PCDHA10: variants seen among roughly 807,000 people sequenced by gnomAD.
PCDHA10 encodes protocadherin alpha-10.
PCDHA10 carries 45 observed loss-of-function variants against 61.2 expected under a neutral mutation model. The observed-to-expected ratio is 0.74, with a 90% confidence interval of 0.58 to 0.94. PCDHA10 has a LOEUF of 0.94. Among genes scored for constraint, PCDHA10 ranks in the 40% least tolerant of loss-of-function variants. The probability of loss-of-function intolerance (pLI) is 0.00; values close to 1 mark genes in which losing one functional copy is unlikely to be tolerated. For missense variants in PCDHA10, 1,278 were observed against 1,236.2 expected, an observed-to-expected ratio of 1.03 and a Z score of -0.51; for synonymous variants, 602 against 548.8, an observed-to-expected ratio of 1.10 and a Z score of -1.35.
chr5:140,943,558 A>T (rs1328715238), intron 1 of PCDHA10, among the ~76,000 whole-genome samples: 1 of 152,194 alleles, frequency 6.6e-6, no homozygotes, highest in Non-Finnish European at 1.5e-5. Flanking sequence ...GTAGACAATA[A>T]TCATTTTAAT....
chr5:140,862,365 G>C, intron 1 of PCDHA10: 1 of 337,898 alleles, frequency 3.0e-6, no homozygotes, highest in South Asian at 2.4e-5. Flanking sequence ...CAGACGACCC[G>C]CACCCTGACT....
intron 1 of PCDHA10, among the ~76,000 whole-genome samples, chr5:140,919,297 G>C (rs1351756549): frequency 6.6e-6 from 1 of 152,120 alleles, no homozygotes; most frequent in African/African-American, 2.4e-5. Context: ...GTTGCTGTTT[G>C]TACAATATAT....
At position 140,894,520 on chromosome 5, in the gene PCDHA10, C is replaced by T. The variant is rs377646516; in HGVS notation, c.2388+36084C>T. On this transcript the variant is annotated intron_variant, in intron 1 of 3. Coordinates refer to ENST00000307360, the MANE Select transcript of PCDHA10 (RefSeq NM_018901.4). ...AGGCATTATCCATAGTGTTTATATG[C>T]TGTTATGTGCCTTCTGGTTTAGTGT... is the stretch of plus-strand genomic sequence containing the variant. Among the ~76,000 whole-genome samples, 12 of 151,842 alleles carry T rather than the reference C, an allele frequency of 7.9e-5. No homozygotes were observed. In the East Asian group the frequency reaches 1.9e-3, roughly 24 times the overall value.
At chr5:140,864,869 A>G (rs2048638117) in intron 1 of PCDHA10, 1 of 152,160 alleles carries the variant, frequency 6.6e-6, no homozygotes, top group South Asian at 2.1e-4. Context: ...GGGTGATACC[A>G]TTGTCTGTGT....
At position 140,856,956 on chromosome 5, in the gene PCDHA10, T is replaced by C. The variant is rs781976306; in HGVS notation, c.908T>C (p.Val303Ala). 6.3e-7 allele frequency: 1 copy of C among 1,593,360 alleles called. No individual in the cohort carries two copies. The highest frequency in any genetic ancestry group is 1.1e-5 in the South Asian group (1 of 90,480). ...WINERTGEIK[V>A]NDAIDFEDSN... is the part of the protein sequence containing the mutation. ...AACGAAAGGACGGGAGAAATAAAAG[T>C]AAATGATGCTATTGACTTTGAGGAC... The change falls in exon 1 of 4, where the codon GTA becomes GCA. Residue 303 changes from valine (V) to alanine (A), a missense_variant. Transcript: ENST00000307360.
intron 1 of PCDHA10, among the ~76,000 whole-genome samples, chr5:140,915,155 G>T (rs941034401): frequency 1.3e-5 from 2 of 151,934 alleles, no homozygotes; most frequent in Non-Finnish European, 2.9e-5. Flanking sequence ...CACCATGTTG[G>T]CCAGGATAGT....
intron 3 of PCDHA10, among the ~76,000 whole-genome samples, chr5:140,991,894 C>T (rs1426754578): frequency 6.6e-6 from 1 of 152,164 alleles, no homozygotes; most frequent in Non-Finnish European, 1.5e-5. Context: ...AACAAATTAA[C>T]ACAAAATCCC....
In PCDHA10 at chr5:140,856,495, T is replaced by C; in HGVS notation, c.447T>C (p.Ser149=). The change falls in exon 1 of 4, where the codon TCT becomes TCC. Residue 149 remains serine (S), a synonymous_variant. Transcript: ENST00000307360. ...TACCTGAATCCAGACTGCTTGACTC[T>C]CGATTTCCACTAGAAGGCGCATCTG... The part of the protein sequence containing the change: ...LSIPESRLLD[S]RFPLEGASDA... 1 of 1,598,444 alleles carries C rather than the reference T, an allele frequency of 6.3e-7. No homozygotes were observed. The highest frequency in any genetic ancestry group is 1.1e-5 in the South Asian group (1 of 90,520).
rs2095730579 is a variant in PCDHA10 at position 140,963,035 on chromosome 5, T to C, written c.2389-15914T>C. Among the ~76,000 whole-genome samples, 3 of 152,330 alleles carry C rather than the reference T, an allele frequency of 2.0e-5. No individual in the cohort carries two copies. The South Asian group carries it at 6.2e-4, about 32-fold the overall frequency. On this transcript the variant is annotated intron_variant, in intron 1 of 3. Transcript: ENST00000307360. ...AAGAAAATGAAGCAATTAACATTTA[T>C]TGAGAGTCTATAAGGGTTTCTACAT...
At chr5:140,909,312 A>AT (rs1365428416) in intron 1 of PCDHA10, among the ~76,000 whole-genome samples, 1 of 152,244 alleles carries the variant, frequency 6.6e-6, no homozygotes, top group Non-Finnish European at 1.5e-5. Context: ...AGAAAAAGGC[A>AT]TTTGCCAAAT....
At chr5:141,006,169 A>G (rs553035949) in intron 3 of PCDHA10, among the ~76,000 whole-genome samples, 4 of 149,840 alleles carry the variant, frequency 2.7e-5, no homozygotes, top group Non-Finnish European at 5.9e-5. Flanking sequence ...TCTGATTTAT[A>G]TTTTTAAAAG....
At chr5:140,975,896 T>C (rs1267301126) in intron 1 of PCDHA10, among the ~76,000 whole-genome samples, 1 of 152,202 alleles carries the variant, frequency 6.6e-6, no homozygotes, top group Non-Finnish European at 1.5e-5. Context: ...CATATGGAGT[T>C]TTGTGACCAT....
chr5:140,860,129 G>GTGTGTATATA (rs1168748861), intron 1 of PCDHA10: 1 of 150,592 alleles, frequency 6.6e-6, no homozygotes, highest in Non-Finnish European at 1.5e-5. Flanking sequence ...TACTGTGTGT[G>GTGTGTATATA]TGTGTATATA....
intron 1 of PCDHA10, chr5:140,865,781 A>G (rs1213634186): frequency 3.3e-5 from 5 of 152,208 alleles, no homozygotes; most frequent in Admixed American, 1.3e-4. Flanking sequence ...TCAAATGTGT[A>G]TCTTTCAGGC....
intron 1 of PCDHA10, chr5:140,883,326 C>T (rs374138267): frequency 3.1e-6 from 5 of 1,614,044 alleles, no homozygotes; most frequent in Admixed American, 1.7e-5. Flanking sequence ...GTTACCATCA[C>T]TTCTTTGTCA....
chr5:140,982,254 T>C (rs1275431812), intron 2 of PCDHA10: 9 of 774,802 alleles, frequency 1.2e-5, no homozygotes, highest in Non-Finnish European at 1.5e-5. Flanking sequence ...AGATAGAACA[T>C]GTGTGTTCCT....
intron 1 of PCDHA10, among the ~76,000 whole-genome samples, chr5:140,892,669 C>T (rs1361630982): frequency 2.6e-5 from 4 of 152,134 alleles, no homozygotes; most frequent in African/African-American, 9.7e-5. Context: ...CATTTTGATA[C>T]ATATATACAA....
At chr5:140,953,124 A>G (rs1554220816) in intron 1 of PCDHA10, among the ~76,000 whole-genome samples, 1 of 152,150 alleles carries the variant, frequency 6.6e-6, no homozygotes, top group African/African-American at 2.4e-5. Flanking sequence ...ACAGATCTAA[A>G]CCGTATCACT....
At chr5:140,928,844 C>A (rs782361945) in intron 1 of PCDHA10, 9 of 1,614,168 alleles carry the variant, frequency 5.6e-6, no homozygotes, top group Non-Finnish European at 7.6e-6. Context: ...TCCTCTGTCA[C>A]TCTGGGTGTG....
Sources: allele counts gnomAD v4.1 joint callset (sites outside exome capture counted in the v4.1 genomes callset), GRCh38; gene constraint gnomAD v4.1.1; transcripts MANE v1.5; gene names NCBI Gene and HGNC (gene_info 2026-07-23, HGNC 2026-07-21).